KCNT2: variants seen among roughly 807,000 people sequenced by gnomAD.
KCNT2 encodes the protein potassium channel subfamily T member 2.
A neutral mutation model predicts 153.8 loss-of-function variants in KCNT2; 67 were observed. That is an observed-to-expected ratio of 0.44 (90% confidence interval 0.36 to 0.53). The LOEUF (loss-of-function observed/expected upper bound fraction) is 0.53, where lower values mean the gene tolerates loss of function less well. Ranked by LOEUF, KCNT2 falls within the 20% of genes least tolerant of loss-of-function variation. The pLI, the probability that KCNT2 is intolerant of heterozygous loss-of-function variation, is 0.00. For synonymous variants in KCNT2, 500 were observed against 458.8 expected (o/e 1.09, Z -1.15); for missense variants, 975 against 1,354.8 (o/e 0.72, Z 4.40).
intron 25 of KCNT2, among the ~76,000 whole-genome samples, chr1:196,280,544 T>G (rs1658999083): frequency 6.6e-6 from 1 of 152,212 alleles, no homozygotes; most frequent in Non-Finnish European, 1.5e-5. Context: ...TGTCAGAACC[T>G]CAAGGTTATT....
At chr1:196,484,778 A>T (rs1679287988) in intron 3 of KCNT2, among the ~76,000 whole-genome samples, 1 of 152,098 alleles carries the variant, frequency 6.6e-6, no homozygotes, top group Non-Finnish European at 1.5e-5. Context: ...TTTATTGAAT[A>T]GGAGATCCTT....
intron 20 of KCNT2, 76 bp from the exon 21 acceptor site, chr1:196,316,102 T>TG: frequency 3.7e-6 from 5 of 1,353,766 alleles, no homozygotes; most frequent in Non-Finnish European, 5.1e-6. Flanking sequence ...AGTCTAGCAC[T>TG]ATCCCCTGTG....
chr1:196,309,337 T>C (rs1329726587), intron 21 of KCNT2, among the ~76,000 whole-genome samples: 1 of 152,026 alleles, frequency 6.6e-6, no homozygotes, highest in Non-Finnish European at 1.5e-5. Context: ...TGGTTTATTA[T>C]TCTTTTATAA....
chr1:196,590,416 G>C (rs1166189878), intron 1 of KCNT2, among the ~76,000 whole-genome samples: 1 of 152,148 alleles, frequency 6.6e-6, no homozygotes, highest in East Asian at 1.9e-4. Context: ...TTATGAGATG[G>C]CTTGTTATAA....
intron 14 of KCNT2, among the ~76,000 whole-genome samples, chr1:196,345,813 A>G (rs1285140585): frequency 6.6e-6 from 1 of 152,202 alleles, no homozygotes; most frequent in Non-Finnish European, 1.5e-5. Context: ...GTCACAAGAA[A>G]CATGGATAGA....
At chr1:196,295,221 A>C (rs1406820698) in intron 22 of KCNT2, among the ~76,000 whole-genome samples, 2 of 151,772 alleles carry the variant, frequency 1.3e-5, no homozygotes, top group Non-Finnish European at 2.9e-5. Context: ...AAAAATATAG[A>C]ATAAAAGAAT....
intron 21 of KCNT2, among the ~76,000 whole-genome samples, chr1:196,315,315 A>G (rs959980661): frequency 3.3e-5 from 5 of 151,676 alleles, no homozygotes; most frequent in African/African-American, 1.2e-4. Flanking sequence ...TACTTATAGC[A>G]TGGCTCTTTC....
intron 12 of KCNT2, among the ~76,000 whole-genome samples, chr1:196,419,623 G>T (rs1275269793): frequency 6.6e-6 from 1 of 151,552 alleles, no homozygotes; most frequent in Admixed American, 6.6e-5. Flanking sequence ...ATTTGGGTTG[G>T]TTCTACTTTC....
chr1:196,585,878 C>T (rs972839262), intron 1 of KCNT2, among the ~76,000 whole-genome samples: 1 of 152,064 alleles, frequency 6.6e-6, no homozygotes, highest in Non-Finnish European at 1.5e-5. Context: ...CCATCAGTTA[C>T]ATTTTATAGA....
intron 20 of KCNT2, among the ~76,000 whole-genome samples, chr1:196,317,425 A>G (rs1662830645): frequency 6.6e-6 from 1 of 151,624 alleles, no homozygotes; most frequent in African/African-American, 2.4e-5. Context: ...TTCTTAATTT[A>G]TTAAAGTACA....
chr1:196,309,344 A>C (rs1661936827), intron 21 of KCNT2, among the ~76,000 whole-genome samples: 1 of 152,014 alleles, frequency 6.6e-6, no homozygotes, highest in Admixed American at 6.6e-5. Flanking sequence ...TTATTCTTTT[A>C]TAACACATTT....
intron 1 of KCNT2, among the ~76,000 whole-genome samples, chr1:196,602,948 G>A (rs535422315): frequency 4.0e-5 from 6 of 150,492 alleles, no homozygotes; most frequent in East Asian, 3.9e-4. Flanking sequence ...CACCGCGCCC[G>A]GCTAATTTTT....
chr1:196,449,792 A>G (rs548432638), intron 8 of KCNT2, among the ~76,000 whole-genome samples: 1 of 151,838 alleles, frequency 6.6e-6, no homozygotes, highest in South Asian at 2.1e-4. Flanking sequence ...GGAGGTGGGT[A>G]ATAGAAAAGG....
chr1:196,431,641 G>A (rs910180175), intron 8 of KCNT2, among the ~76,000 whole-genome samples: 1 of 152,108 alleles, frequency 6.6e-6, no homozygotes, highest in Non-Finnish European at 1.5e-5. Context: ...CAATTTAAAG[G>A]TGGTGAACTA....
intron 21 of KCNT2, among the ~76,000 whole-genome samples, chr1:196,306,323 T>C (rs1038012648): frequency 2.6e-5 from 4 of 152,156 alleles, no homozygotes; most frequent in Admixed American, 2.6e-4. Context: ...AGCCTGTTTG[T>C]GTGGCTCAGG....
In KCNT2 at chr1:196,342,227, C is replaced by T. The variant is rs752009683; in HGVS notation, c.1405G>A (p.Glu469Lys). Residue 469 changes from glutamate (E) to lysine (K), a missense_variant and splice_region_variant, in exon 15 of 28, where the codon GAA (glutamate) becomes AAA (lysine). Physicochemically the swap from Glu to Lys is moderately conservative, Grantham distance 56. Around this residue, in one of 6 missense-constraint regions of KCNT2, gnomAD observed 325 missense variants for 388.1 expected, o/e 0.84. Transcript: ENST00000294725. ...CATTGTTCTGGCGATTGCTGGCCTTCTCTGCAACACAGGCACACACACATA... is the reference window on the plus strand; with the variant it reads ...CATTGTTCTGGCGATTGCTGGCCTTTTCTGCAACACAGGCACACACACATA... The part of the protein sequence containing the change: ...TLLVHTSRGQ[E>K]GQQSPEQWQK... The T allele has an allele frequency of 2.5e-5, 41 of 1,610,644 alleles. No homozygotes were observed. The highest frequency in any genetic ancestry group is 3.5e-5 in the Non-Finnish European group (41 of 1,178,594).
chr1:196,585,798 G>C (rs1662609449), intron 1 of KCNT2, among the ~76,000 whole-genome samples: 1 of 152,088 alleles, frequency 6.6e-6, no homozygotes, highest in African/African-American at 2.4e-5. Flanking sequence ...AAATGGAATA[G>C]CTCATCTAGA....
intron 25 of KCNT2, among the ~76,000 whole-genome samples, chr1:196,271,909 A>G (rs999841099): frequency 6.6e-6 from 1 of 152,004 alleles, no homozygotes; most frequent in African/African-American, 2.4e-5. Context: ...CCACCCAAAA[A>G]CAATGCACCA....
At chr1:196,503,713 A>C (rs1680885640) in intron 1 of KCNT2, among the ~76,000 whole-genome samples, 1 of 152,174 alleles carries the variant, frequency 6.6e-6, no homozygotes, top group Admixed American at 6.6e-5. Flanking sequence ...AACAGATGAG[A>C]GTTATTTGTA....
Sources: gnomAD v4.1 joint callset for allele counts (sites outside exome capture counted in the v4.1 genomes callset) on GRCh38, gnomAD v4.1.1 for gene constraint, gnomAD v4.1.1 regional missense constraint, MANE v1.5 for transcripts, NCBI Gene and HGNC (gene_info 2026-07-23, HGNC 2026-07-21) for gene names.